ADCY1: variants seen among roughly 807,000 people sequenced by gnomAD.
ADCY1 encodes the protein adenylate cyclase type 1.
ADCY1 carries 28 observed loss-of-function variants against 105.4 expected under a neutral mutation model. The observed-to-expected ratio is 0.27, with a 90% CI of 0.20 to 0.36. ADCY1 has a LOEUF of 0.36. ADCY1 is among the 10% of genes least tolerant of loss of function. ADCY1 has a pLI of 1.00. For synonymous variants in ADCY1, 655 were observed against 623.8 expected, an observed-to-expected ratio of 1.05 and a Z score of -0.75; for missense variants, 977 against 1,434.2, an observed-to-expected ratio of 0.68 and a Z score of 5.15.
intron 3 of ADCY1, among the ~76,000 whole-genome samples, chr7:45,619,046 T>C (rs973877467): frequency 2.0e-5 from 3 of 152,186 alleles, no homozygotes; most frequent in African/African-American, 7.2e-5. Flanking sequence ...AAAATGAAAT[T>C]CTGTCATTTG....
chr7:45,594,887 C>T (rs1035712774), intron 2 of ADCY1, among the ~76,000 whole-genome samples: 8 of 152,078 alleles, frequency 5.3e-5, no homozygotes, highest in Admixed American at 3.3e-4. Context: ...TTTTTCCCCA[C>T]GTGATTGTCA....
In ADCY1 at chr7:45,700,461, G is replaced by A. The variant is rs532181058; in HGVS notation, c.2455-2915G>A. ...GAAGACTATTGTCTTAGCTGCTGCTGTGCTTGGAGAAGTTCCTTTCCCTCT... is the reference window on the plus strand; with the variant it reads ...GAAGACTATTGTCTTAGCTGCTGCTATGCTTGGAGAAGTTCCTTTCCCTCT... On this transcript the variant is annotated intron_variant, in intron 14 of 19. Transcript: ENST00000297323. Among the ~76,000 whole-genome samples the A allele has an allele frequency of 6.6e-5, 10 of 152,286 alleles. No individual in the cohort carries two copies. In the South Asian group the frequency reaches 1.0e-3, roughly 16 times the overall value.
At chr7:45,640,659 G>T (rs9639924) in intron 4 of ADCY1, among the ~76,000 whole-genome samples, 32,848 of 152,066 alleles carry the variant, frequency 0.22, 4,202 homozygotes, top group East Asian at 0.51. Flanking sequence ...ATTTGAGGTC[G>T]CCAGCATATC....
chr7:45,690,729 G>A (rs886731791), intron 14 of ADCY1, among the ~76,000 whole-genome samples: 1 of 152,270 alleles, frequency 6.6e-6, no homozygotes, highest in African/African-American at 2.4e-5. Flanking sequence ...GCCACACCAG[G>A]TAATAGGAAA....
At chr7:45,628,588 C>A (rs753847595) in intron 4 of ADCY1, among the ~76,000 whole-genome samples, 6 of 152,148 alleles carry the variant, frequency 3.9e-5, no homozygotes, top group Non-Finnish European at 7.4e-5. Context: ...GCAGGACATC[C>A]CATGGGCTGT....
Position 45,574,974 on chromosome 7 carries a change from G to A in ADCY1, c.431G>A (p.Gly144Asp). 6.2e-7 allele frequency: 1 copy of A among 1,610,886 alleles called. No homozygotes were observed. Among genetic ancestry groups the A allele is most frequent in the Non-Finnish European group, 8.5e-7 (1 of 1,179,070 alleles). Residue 144 changes from glycine (G) to aspartate (D), a missense_variant, in exon 1 of 20, where the codon GGC becomes GAC. Gly to Asp is a moderately conservative substitution (Grantham distance 94). Transcript: ENST00000297323. The surrounding 1 kb of genome is among the most constrained non-coding windows in gnomAD (Gnocchi z 7.0). ...CTCTGCTGTCCTTTCGCGCTGGGCGGCCCCGCCCGGGGTTCCGCCGGGGCC... is the reference window on the plus strand; with the variant it reads ...CTCTGCTGTCCTTTCGCGCTGGGCGACCCCGCCCGGGGTTCCGCCGGGGCC... ...ALLCCPFALGGPARGSAGAAG... is the reference protein window; with the variant it reads ...ALLCCPFALGDPARGSAGAAG...
intron 4 of ADCY1, among the ~76,000 whole-genome samples, chr7:45,635,613 T>G (rs1249336582): frequency 7.2e-6 from 1 of 139,076 alleles, no homozygotes; most frequent in African/African-American, 2.6e-5. Flanking sequence ...TTTTTTTTTT[T>G]TTTTTTTTTT....
In ADCY1 at chr7:45,574,714, GC is replaced by G; in HGVS notation, c.172del (p.Gln58ArgfsTer5). On this transcript the variant is annotated frameshift_variant, in exon 1 of 20. Coordinates refer to ENST00000297323, the MANE Select transcript of ADCY1 (RefSeq NM_021116.4). LOFTEE classifies it high-confidence loss of function. The surrounding 1 kb of genome is among the most constrained non-coding windows in gnomAD (Gnocchi z 7.0). Reference sequence around the variant, plus strand: ...TCCGCGGCTACACGCTGCGGCTGGAGCAGGCGGCCACGCTGAAGGCGCTGGC... The same window carrying G: ...TCCGCGGCTACACGCTGCGGCTGGAGAGGCGGCCACGCTGAAGGCGCTGGC... ...LFRGYTLRLE[Q>X]AATLKALAVL... The G allele has an allele frequency of 7.1e-7, 1 of 1,410,186 alleles. No individual in the cohort carries two copies. Among genetic ancestry groups the G allele is most frequent in the South Asian group, 1.5e-5 (1 of 65,582 alleles). The allele number at this position is 1,410,186 out of a possible 1,614,324, so 87.4% of individuals were successfully genotyped here. A position where few individuals can be genotyped will look rare whatever the true frequency, so the allele number is the denominator to read the frequency against.
chr7:45,597,755 C>G (rs1025466461), intron 2 of ADCY1, among the ~76,000 whole-genome samples: 2 of 152,188 alleles, frequency 1.3e-5, no homozygotes, highest in Admixed American at 6.5e-5. Flanking sequence ...ACTCTCCTCC[C>G]GTCCACCTTC....
At chr7:45,606,619 G>A (rs1052255012) in intron 2 of ADCY1, among the ~76,000 whole-genome samples, 1 of 152,130 alleles carries the variant, frequency 6.6e-6, no homozygotes, top group African/African-American at 2.4e-5. Context: ...TGTTTGATGT[G>A]TAACATCCAG....
Position 45,710,955 on chromosome 7 carries a change from C to T in ADCY1, c.3057+303C>T, listed in dbSNP as rs1785220075. Among the ~76,000 whole-genome samples the T allele has an allele frequency of 6.6e-6, 1 of 152,156 alleles. No homozygotes were observed. The highest frequency in any genetic ancestry group is 2.4e-5 in the African/African-American group (1 of 41,432). On this transcript the variant is annotated intron_variant, in intron 19 of 19. Coordinates refer to ENST00000297323, the MANE Select transcript of ADCY1 (RefSeq NM_021116.4). The surrounding 1 kb of genome is among the most constrained non-coding windows in gnomAD (Gnocchi z 4.7). ...CCTGGTGGCTCTCATTCACTCTGCA[C>T]ATCCCAGGACTCCGGACTCCACCAG...
intron 8 of ADCY1, among the ~76,000 whole-genome samples, chr7:45,677,221 C>T (rs748851905): frequency 5.9e-5 from 9 of 152,254 alleles, no homozygotes; most frequent in Non-Finnish European, 8.8e-5. Flanking sequence ...TTTCTGGAAC[C>T]GCATGGCTAG....
In ADCY1 at chr7:45,629,188, T is replaced by C. The variant is rs181416120; in HGVS notation, c.1020+6445T>C. On this transcript the variant is annotated intron_variant, in intron 4 of 19. Coordinates refer to ENST00000297323, the MANE Select transcript of ADCY1 (RefSeq NM_021116.4). Reference sequence around the variant, plus strand: ...TAAGTTGGAATTTTCTAGAACCTTATATATATGGAACAAAGCAATATGTAC... The same window carrying C: ...TAAGTTGGAATTTTCTAGAACCTTACATATATGGAACAAAGCAATATGTAC... Among the ~76,000 whole-genome samples the C allele has an allele frequency of 9.9e-4, 151 of 152,374 alleles. 2 individuals carry two copies. The highest frequency in any genetic ancestry group is 3.6e-3 in the African/African-American group (149 of 41,590).
chr7:45,657,649 C>G, intron 5 of ADCY1, 78 bp from the exon 6 acceptor site: 1 of 1,460,558 alleles, frequency 6.8e-7, no homozygotes, highest in Non-Finnish European at 9.3e-7. Context: ...TGCTCACAGC[C>G]TAGCAGTGCA....
At chr7:45,644,981 G>A (rs1156307090) in intron 4 of ADCY1, among the ~76,000 whole-genome samples, 1 of 152,188 alleles carries the variant, frequency 6.6e-6, no homozygotes, top group Admixed American at 6.5e-5. Context: ...TCTCAGAACA[G>A]TTTCCAGAGA....
At chr7:45,599,515 G>T (rs750533792) in intron 2 of ADCY1, among the ~76,000 whole-genome samples, 30 of 151,468 alleles carry the variant, frequency 2.0e-4, no homozygotes, top group Non-Finnish European at 2.9e-4. Flanking sequence ...GGCCAGTGCT[G>T]CAATATTGCT....
intron 19 of ADCY1, among the ~76,000 whole-genome samples, chr7:45,713,001 G>A (rs1253429136): frequency 6.6e-6 from 1 of 152,092 alleles, no homozygotes; most frequent in Non-Finnish European, 1.5e-5. Flanking sequence ...CAGCTATGCC[G>A]GGGTCCTGTG....
chr7:45,619,888 T>C (rs1793844540), intron 3 of ADCY1, among the ~76,000 whole-genome samples: 1 of 152,190 alleles, frequency 6.6e-6, no homozygotes, highest in Non-Finnish European at 1.5e-5. Flanking sequence ...GCAGAAGTAA[T>C]GGCTATTTTA....
chr7:45,639,193 A>G (rs1420983135), intron 4 of ADCY1, among the ~76,000 whole-genome samples: 1 of 152,098 alleles, frequency 6.6e-6, no homozygotes, highest in Non-Finnish European at 1.5e-5. Context: ...TGGTTTATTT[A>G]CCTCCTTAGC....
Sources: gnomAD v4.1 joint callset for allele counts (sites outside exome capture counted in the v4.1 genomes callset) on GRCh38, gnomAD v4.1.1 for gene constraint, Gnocchi (gnomAD v3.1) non-coding constraint, MANE v1.5 for transcripts, NCBI Gene and HGNC (gene_info 2026-07-23, HGNC 2026-07-21) for gene names.